GALNTL6: variants seen among roughly 807,000 people sequenced by gnomAD.
The protein encoded by GALNTL6 is polypeptide N-acetylgalactosaminyltransferase-like 6.
In GALNTL6, 46 loss-of-function variants were observed where a neutral mutation model predicts 73.7. The ratio of observed to expected loss-of-function variants is 0.62; its 90% CI spans 0.49 to 0.80. The LOEUF (loss-of-function observed/expected upper bound fraction) is 0.80, where lower values mean the gene tolerates loss of function less well. GALNTL6 is among the 30% of genes least tolerant of loss of function. The pLI is 0.00. For missense variants in GALNTL6, 604 were observed against 755.0 expected (o/e 0.80, Z 2.34); for synonymous variants, 259 against 263.7 (o/e 0.98, Z 0.17).
chr4:172,486,361 A>T (rs1733666930), intron 5 of GALNTL6, among the ~76,000 whole-genome samples: 1 of 152,188 alleles, frequency 6.6e-6, no homozygotes, highest in East Asian at 1.9e-4. Context: ...CAGATAATTT[A>T]TTAAGCTTCC....
intron 5 of GALNTL6, among the ~76,000 whole-genome samples, chr4:172,514,642 A>C (rs887711505): frequency 6.6e-6 from 1 of 152,194 alleles, no homozygotes; most frequent in East Asian, 1.9e-4. Flanking sequence ...AAATTACTAC[A>C]AAGTTCAGCT....
chr4:172,193,239 G>T (rs1024943870), intron 2 of GALNTL6, among the ~76,000 whole-genome samples: 1 of 152,196 alleles, frequency 6.6e-6, no homozygotes, highest in Non-Finnish European at 1.5e-5. Context: ...ACCGACAGGG[G>T]TCACTAGGCA....
chr4:172,377,884 C>T (rs1026509115), intron 5 of GALNTL6, among the ~76,000 whole-genome samples: 2 of 151,956 alleles, frequency 1.3e-5, no homozygotes, highest in African/African-American at 4.8e-5. Context: ...CCCGCGAGCG[C>T]TGCACGCAGC....
At chr4:172,986,699 G>T (rs1020104700) in intron 10 of GALNTL6, among the ~76,000 whole-genome samples, 3 of 152,198 alleles carry the variant, frequency 2.0e-5, no homozygotes, top group Non-Finnish European at 2.9e-5. Context: ...AAGGTAAACA[G>T]ATTTTTAATA....
intron 2 of GALNTL6, among the ~76,000 whole-genome samples, chr4:172,056,444 C>A (rs1243593405): frequency 1.3e-5 from 2 of 151,956 alleles, no homozygotes; most frequent in Non-Finnish European, 2.9e-5. Context: ...GAGAATATTT[C>A]TATTTATATT....
intron 2 of GALNTL6, among the ~76,000 whole-genome samples, chr4:172,077,618 G>C (rs1371799506): frequency 6.6e-6 from 1 of 152,142 alleles, no homozygotes; most frequent in African/African-American, 2.4e-5. Flanking sequence ...TGTGAACAAA[G>C]AGATTATTTG....
At chr4:173,013,916 C>CATTTAGAT (rs1752664792) in intron 11 of GALNTL6, among the ~76,000 whole-genome samples, 1 of 152,208 alleles carries the variant, frequency 6.6e-6, no homozygotes, top group East Asian at 1.9e-4. Context: ...CACTCTTCTA[C>CATTTAGAT]ATTTAGATTA....
At chr4:172,664,521 C>G (rs1039328850) in intron 5 of GALNTL6, among the ~76,000 whole-genome samples, 2 of 152,158 alleles carry the variant, frequency 1.3e-5, no homozygotes, top group South Asian at 4.1e-4. Flanking sequence ...GTTGGACTAT[C>G]CAGTTTAGGT....
At chr4:172,299,366 C>T (rs1443760497) in intron 3 of GALNTL6, among the ~76,000 whole-genome samples, 1 of 152,112 alleles carries the variant, frequency 6.6e-6, no homozygotes, top group Non-Finnish European at 1.5e-5. Context: ...TCTCTATTTC[C>T]TTCAGTTCTG....
chr4:172,462,643 A>G (rs1428323439), intron 5 of GALNTL6, among the ~76,000 whole-genome samples: 1 of 152,220 alleles, frequency 6.6e-6, no homozygotes, highest in African/African-American at 2.4e-5. Context: ...TATGCCATGC[A>G]ATCCCTGGAT....
At chr4:172,273,685 A>G (rs547105701) in intron 3 of GALNTL6, among the ~76,000 whole-genome samples, 39 of 152,182 alleles carry the variant, frequency 2.6e-4, no homozygotes, top group Non-Finnish European at 4.3e-4. Context: ...ATTATAAGGA[A>G]AGAACAGCAA....
At position 172,173,695 on chromosome 4, in the gene GALNTL6, T is replaced by C. The variant is rs915196338; in HGVS notation, c.139-55961T>C. On this transcript the variant is annotated intron_variant, in intron 2 of 12. Transcript: ENST00000506823. ...TTATAACCAGTGAACTGGGTGATTA[T>C]TGGAAGAAGTAAAGAATTTAAATAG... 6.6e-5 allele frequency among the ~76,000 whole-genome samples: 10 copies of C among 152,352 alleles called. No individual in the cohort carries two copies. In the South Asian group the frequency reaches 8.3e-4, roughly 13 times the overall value.
In GALNTL6 at chr4:172,252,095, T is replaced by A. The variant is rs569271539; in HGVS notation, c.247+22331T>A. Among the ~76,000 whole-genome samples the A allele has an allele frequency of 2.5e-3, 381 of 152,064 alleles. 1 individual carries two copies. Among genetic ancestry groups the A allele is most frequent in the African/African-American group, 4.3e-3 (177 of 41,496 alleles). On this transcript the variant is annotated intron_variant, in intron 3 of 12. Coordinates refer to ENST00000506823, the MANE Select transcript of GALNTL6 (RefSeq NM_001034845.3). ...GGAAGGTTAAAACTGAATAGATGCA[T>A]GAATCTAAAATAAAATGAAAAAGAG...
intron 2 of GALNTL6, among the ~76,000 whole-genome samples, chr4:172,101,033 G>T (rs893809478): frequency 1.2e-4 from 19 of 152,116 alleles, no homozygotes; most frequent in African/African-American, 4.3e-4. Flanking sequence ...CATATTGATA[G>T]GCTCATTGGA....
intron 5 of GALNTL6, among the ~76,000 whole-genome samples, chr4:172,755,192 G>T (rs1385041116): frequency 6.6e-6 from 1 of 151,578 alleles, no homozygotes; most frequent in Non-Finnish European, 1.5e-5. Flanking sequence ...AGGATTATCA[G>T]TGACCACTTA....
In GALNTL6 at chr4:172,331,258, T is replaced by TA. The variant is rs11311596; in HGVS notation, c.387-17251dup. On this transcript the variant is annotated intron_variant, in intron 4 of 12. Transcript: ENST00000506823. ...ATATTACAAAATGTTCAACATCTTG[T>TA]AAAAAAAAAAAAAAGTAGTTTTTGT... Among the ~76,000 whole-genome samples, 342 of 142,582 alleles carry TA rather than the reference T, an allele frequency of 2.4e-3. 3 individuals carry two copies. In the Middle Eastern group the frequency reaches 0.03, roughly 12 times the overall value. 93.5% of individuals were successfully genotyped at this position (142,582 alleles called of 152,430 possible). A position where few individuals can be genotyped will look rare whatever the true frequency, so the allele number is the denominator to read the frequency against.
chr4:171,917,778 T>C (rs1387754727), intron 2 of GALNTL6, among the ~76,000 whole-genome samples: 1 of 152,134 alleles, frequency 6.6e-6, no homozygotes, highest in Non-Finnish European at 1.5e-5. Context: ...GCTTATACAC[T>C]TAGATGTAGA....
intron 5 of GALNTL6, among the ~76,000 whole-genome samples, chr4:172,724,598 A>C (rs1735682430): frequency 6.6e-6 from 1 of 152,134 alleles, no homozygotes; most frequent in Non-Finnish European, 1.5e-5. Flanking sequence ...AGATTGCTTA[A>C]ATTAAGCCTT....
chr4:172,522,864 C>CT (rs1734831325), intron 5 of GALNTL6, among the ~76,000 whole-genome samples: 1 of 152,094 alleles, frequency 6.6e-6, no homozygotes, highest in Non-Finnish European at 1.5e-5. Context: ...CTGTGTGCAA[C>CT]TGAGTAATTT....
Sources: gnomAD v4.1 joint callset for allele counts (sites outside exome capture counted in the v4.1 genomes callset) on GRCh38, gnomAD v4.1.1 for gene constraint, MANE v1.5 for transcripts, NCBI Gene and HGNC (gene_info 2026-07-23, HGNC 2026-07-21) for gene names.